Variants in ADD2 observed in about 807,000 individuals in gnomAD.
The protein encoded by ADD2 is adducin 2.
In ADD2, 23 loss-of-function variants were observed where a neutral mutation model predicts 83.0. That is an observed-to-expected ratio of 0.28 (90% CI 0.20 to 0.39). The LOEUF (loss-of-function observed/expected upper bound fraction) is 0.39. ADD2 is among the 10% of genes least tolerant of loss of function. The pLI is 1.00. For synonymous variants in ADD2, 375 were observed against 375.4 expected (o/e 1.00, Z 0.01); for missense variants, 758 against 944.9 (o/e 0.80, Z 2.59).
At chr2:70,747,007 ATT>A (rs34113265) in intron 1 of ADD2, among the ~76,000 whole-genome samples, 15 of 121,160 alleles carry the variant, frequency 1.2e-4, no homozygotes, top group Admixed American at 3.4e-4. Context: ...TCCAATATGG[ATT>A]TTTTTTTTTT....
rs186518716 is a variant in ADD2, at chr2:70,745,964, A to G, written c.-154+21922T>C. On this transcript the variant is annotated intron_variant, in intron 1 of 15. Coordinates refer to ENST00000264436, the MANE Select transcript of ADD2 (RefSeq NM_001617.4). ...TCTAAATTCACTGTGAAACAAATCT[A>G]TTTTGAAAACCTACAGGTTATGGAA... Among the ~76,000 whole-genome samples the G allele has an allele frequency of 5.5e-4, 84 of 152,328 alleles. 1 individual carries two copies. The highest frequency in any genetic ancestry group is 2.0e-3 in the African/African-American group (83 of 41,570).
intron 15 of ADD2, among the ~76,000 whole-genome samples, chr2:70,666,526 A>G (rs1185178153): frequency 6.6e-6 from 1 of 152,166 alleles, no homozygotes; most frequent in Non-Finnish European, 1.5e-5. Context: ...ATTTCTCAAG[A>G]CTGACCCTTG....
chr2:70,739,323 C>T (rs1278006570), intron 1 of ADD2, among the ~76,000 whole-genome samples: 7 of 152,038 alleles, frequency 4.6e-5, no homozygotes, highest in South Asian at 2.1e-4. Flanking sequence ...AAATCAAAAC[C>T]ACAATGAGAT....
At chr2:70,693,954 G>A (rs1553372168) in intron 6 of ADD2, among the ~76,000 whole-genome samples, 1 of 152,188 alleles carries the variant, frequency 6.6e-6, no homozygotes, top group Admixed American at 6.5e-5. Flanking sequence ...GGCTTGGTGT[G>A]TGGGTATTGC....
intron 1 of ADD2, among the ~76,000 whole-genome samples, chr2:70,727,371 A>T (rs1361199612): frequency 6.6e-6 from 1 of 151,370 alleles, no homozygotes; most frequent in African/African-American, 2.4e-5. Context: ...CCATCCTTCC[A>T]TTCCCCAACG....
chr2:70,719,551 G>T (rs367840300), intron 1 of ADD2, among the ~76,000 whole-genome samples: 2 of 152,164 alleles, frequency 1.3e-5, no homozygotes, highest in African/African-American at 4.8e-5. Context: ...GGGTTGTTGG[G>T]GAAGCCCTGG....
Position 70,768,101 on chromosome 2 carries a change from G to A in ADD2, c.-369C>T, listed in dbSNP as rs2287099. On this transcript the variant is annotated 5_prime_UTR_variant, in exon 1 of 16. Transcript: ENST00000264436. ...GCGGCGGGGATGACTGGCCACCGAC[G>A]CCGCAGTTCCTTGACAAAAGGCTCG... The A allele has an allele frequency of 0.23, 190,365 of 843,326 alleles. 26,036 individuals carry two copies. Among genetic ancestry groups the A allele is most frequent in the East Asian group, 0.55 (20,525 of 37,016 alleles). The allele number at this position is 843,326 out of a possible 1,614,324, so 52.2% of individuals were successfully genotyped here. A position where few individuals can be genotyped will look rare whatever the true frequency, so the allele number is the denominator to read the frequency against.
intron 1 of ADD2, among the ~76,000 whole-genome samples, chr2:70,753,829 A>G (rs1264022826): frequency 1.3e-5 from 2 of 152,206 alleles, no homozygotes; most frequent in African/African-American, 2.4e-5. Flanking sequence ...CTCCCATAAC[A>G]TGCTTCATTC....
At chr2:70,756,805 T>TAAGCTTCA (rs1439441129) in intron 1 of ADD2, among the ~76,000 whole-genome samples, 27 of 152,156 alleles carry the variant, frequency 1.8e-4, no homozygotes. Context: ...GTAGTGCAAG[T>TAAGCTTCA]AAGCTTCAAC....
chr2:70,689,495 TG>T (rs1172006113), intron 8 of ADD2, among the ~76,000 whole-genome samples: 8 of 152,368 alleles, frequency 5.3e-5, no homozygotes, highest in African/African-American at 1.9e-4. Context: ...ACGATGGCTG[TG>T]GCCCACAAAA....
At chr2:70,712,318 C>G (rs1202106987) in intron 2 of ADD2, among the ~76,000 whole-genome samples, 1 of 151,746 alleles carries the variant, frequency 6.6e-6, no homozygotes, top group Non-Finnish European at 1.5e-5. Flanking sequence ...GTGGTGTGCA[C>G]CTGTAGTCCC....
In ADD2 at chr2:70,661,829, G is replaced by A. The variant is rs1450845168; in HGVS notation, c.*1596C>T. 11 of 152,218 alleles carry A rather than the reference G, an allele frequency of 7.2e-5. No homozygotes were observed. 9.4% of individuals were successfully genotyped at this position (152,218 alleles called of 1,614,324 possible). On this transcript the variant is annotated 3_prime_UTR_variant, in exon 16 of 16. Coordinates refer to ENST00000264436, the MANE Select transcript of ADD2 (RefSeq NM_001617.4). ...TGTCTGTTCACCATAGCTGTTAAGA[G>A]CAAGGGCTCTGGACTCAGACTGACC... is the stretch of plus-strand genomic sequence containing the variant.
At chr2:70,675,896 T>G (rs1349451084) in intron 13 of ADD2, 1 of 985,200 alleles carries the variant, frequency 1.0e-6, no homozygotes, top group Admixed American at 6.2e-5. Flanking sequence ...AACTCTCACC[T>G]CCCGCCAGAA....
intron 13 of ADD2, chr2:70,675,425 C>T: frequency 1.0e-6 from 1 of 985,514 alleles, no homozygotes; most frequent in South Asian, 4.7e-5. Context: ...ACCGCAGGTC[C>T]CTGCAGGGAT....
intron 1 of ADD2, among the ~76,000 whole-genome samples, chr2:70,721,850 A>G (rs1672744437): frequency 6.6e-6 from 1 of 152,236 alleles, no homozygotes; most frequent in Admixed American, 6.5e-5. Context: ...TTAAAATTCA[A>G]TCAAACTCAT....
chr2:70,728,317 GAC>G (rs1419893048), intron 1 of ADD2, among the ~76,000 whole-genome samples: 1 of 152,196 alleles, frequency 6.6e-6, no homozygotes, highest in Non-Finnish European at 1.5e-5. Context: ...GCTCCAGTGT[GAC>G]AGAGTCGGGA....
intron 1 of ADD2, among the ~76,000 whole-genome samples, chr2:70,718,293 C>T (rs1387726561): frequency 6.6e-6 from 1 of 152,130 alleles, no homozygotes; most frequent in Admixed American, 6.5e-5. Context: ...TCTGTTGGTG[C>T]CCGGGAGTGA....
At chr2:70,684,311 A>G (rs1469362592) in intron 9 of ADD2, among the ~76,000 whole-genome samples, 1 of 152,172 alleles carries the variant, frequency 6.6e-6, no homozygotes, top group Non-Finnish European at 1.5e-5. Flanking sequence ...GCAGTGGCAC[A>G]ATCTCGGATC....
intron 4 of ADD2, among the ~76,000 whole-genome samples, 174 bp from the exon 5 acceptor site, chr2:70,696,570 G>C (rs1410088131): frequency 1.3e-5 from 2 of 152,176 alleles, no homozygotes; most frequent in African/African-American, 4.8e-5. Flanking sequence ...ATCGACGTCT[G>C]TGCCCAATAA....
Sources: gnomAD v4.1 joint callset for allele counts (sites outside exome capture counted in the v4.1 genomes callset) on GRCh38, gnomAD v4.1.1 for gene constraint, MANE v1.5 for transcripts, NCBI Gene and HGNC (gene_info 2026-07-23, HGNC 2026-07-21) for gene names.